The following PARD3B variants were observed in gnomAD, a reference collection of about 807,000 sequenced individuals.
PARD3B encodes par-3 family cell polarity regulator beta, also known as partitioning defective 3 homolog B.
PARD3B carries 103 observed loss-of-function variants against 130.2 expected under a neutral mutation model. That is an observed-to-expected ratio of 0.79 (90% CI 0.67 to 0.93). The LOEUF is 0.93. Ranked by LOEUF, PARD3B falls within the 40% of genes least tolerant of loss-of-function variation. PARD3B has a pLI of 0.00. For missense variants in PARD3B, 1,609 were observed against 1,499.2 expected, an observed-to-expected ratio of 1.07 and a Z score of -1.21; for synonymous variants, 583 against 553.2, an observed-to-expected ratio of 1.05 and a Z score of -0.76.
chr2:204,626,235 A>T (rs2034482531), intron 1 of PARD3B, among the ~76,000 whole-genome samples: 2 of 152,146 alleles, frequency 1.3e-5, no homozygotes, highest in Admixed American at 1.3e-4. Flanking sequence ...AGCCAACACC[A>T]CATTACATGT....
At chr2:205,019,698 C>T (rs1696450180) in intron 3 of PARD3B, among the ~76,000 whole-genome samples, 1 of 152,108 alleles carries the variant, frequency 6.6e-6, no homozygotes, top group African/African-American at 2.4e-5. Context: ...GTGGTATTCA[C>T]TGTAGTTTTG....
At chr2:204,581,035 T>A (rs978344461) in intron 1 of PARD3B, among the ~76,000 whole-genome samples, 9 of 152,224 alleles carry the variant, frequency 5.9e-5, no homozygotes, top group African/African-American at 2.2e-4. Context: ...GATATTATAG[T>A]TATGAATCCC....
At chr2:204,746,556 C>A (rs1313439296) in intron 2 of PARD3B, among the ~76,000 whole-genome samples, 1 of 152,182 alleles carries the variant, frequency 6.6e-6, no homozygotes, top group African/African-American at 2.4e-5. Flanking sequence ...AGAATTGCCA[C>A]ACTGTCTTCC....
rs766700627 is a variant in PARD3B at position 205,187,727 on chromosome 2, G to A, written c.2024+1864G>A. On this transcript the variant is annotated intron_variant, in intron 14 of 22. Coordinates refer to ENST00000406610, the MANE Select transcript of PARD3B (RefSeq NM_001302769.2). The surrounding 1 kb of genome is among the most constrained non-coding windows in gnomAD (Gnocchi z 4.9). ...GAGAAAAAAGTTTATATTGCTCCTC[G>A]CTGCTGTAAATCTTCATTACATGGT... Among the ~76,000 whole-genome samples the A allele has an allele frequency of 1.4e-4, 22 of 152,252 alleles. No individual in the cohort carries two copies. The highest frequency in any genetic ancestry group is 3.4e-3 in the Middle Eastern group (1 of 294).
At position 204,998,312 on chromosome 2, in the gene PARD3B, GTATATATATATATATATATATATATA is replaced by G. The variant is rs771546892; in HGVS notation, c.394+33011_394+33036del. Among the ~76,000 whole-genome samples the G allele has an allele frequency of 1.8e-3, 94 of 52,008 alleles. 4 individuals are homozygous for G. The highest frequency in any genetic ancestry group is 9.3e-3 in the South Asian group (15 of 1,620). The allele number at this position is 52,008 out of a possible 152,430, so 34.1% of individuals were successfully genotyped here. On this transcript the variant is annotated intron_variant, in intron 3 of 22. Transcript: ENST00000406610. ...CTGCACATGTATCCCAGAACTTAAA[GTATATATATATATATATATATATATA>G]TATATATATATATATATATATGTGT...
At chr2:205,555,898 A>G (rs111666739) in intron 22 of PARD3B, among the ~76,000 whole-genome samples, 30 of 152,154 alleles carry the variant, frequency 2.0e-4, no homozygotes, top group African/African-American at 7.2e-4. Flanking sequence ...ACCCTGGTCC[A>G]TGGGTGGGGG....
intron 2 of PARD3B, among the ~76,000 whole-genome samples, chr2:204,724,084 TA>T (rs1396306630): frequency 6.6e-6 from 1 of 152,176 alleles, no homozygotes; most frequent in Non-Finnish European, 1.5e-5. Context: ...AGAAATTCCA[TA>T]TGCACAGCTT....
At chr2:205,423,760 A>G (rs1036117243) in intron 19 of PARD3B, among the ~76,000 whole-genome samples, 1 of 152,228 alleles carries the variant, frequency 6.6e-6, no homozygotes, top group Non-Finnish European at 1.5e-5. Flanking sequence ...CTGCAGCCAT[A>G]AAAAAGAACA....
intron 1 of PARD3B, among the ~76,000 whole-genome samples, chr2:204,582,703 G>C (rs1388310631): frequency 6.6e-6 from 1 of 152,162 alleles, no homozygotes; most frequent in Non-Finnish European, 1.5e-5. Flanking sequence ...GCCTGTAGTT[G>C]GTTAGAAGGG....
intron 16 of PARD3B, among the ~76,000 whole-genome samples, chr2:205,255,668 A>T (rs113369892): frequency 2.0e-5 from 3 of 152,274 alleles, no homozygotes; most frequent in African/African-American, 7.2e-5. Context: ...AACTCAGGCA[A>T]ATGACTTACT....
chr2:204,554,392 C>G (rs35544596), intron 1 of PARD3B, among the ~76,000 whole-genome samples: 1 of 152,064 alleles, frequency 6.6e-6, no homozygotes, highest in African/African-American at 2.4e-5. Context: ...AACTCCAAAT[C>G]AAGTCCTCCT....
intron 3 of PARD3B, among the ~76,000 whole-genome samples, chr2:205,045,786 C>A (rs1698735424): frequency 6.6e-6 from 1 of 151,672 alleles, no homozygotes; most frequent in Non-Finnish European, 1.5e-5. Flanking sequence ...CACACACACA[C>A]ATACATATAT....
intron 15 of PARD3B, among the ~76,000 whole-genome samples, chr2:205,194,978 T>A (rs995180469): frequency 3.3e-5 from 5 of 150,332 alleles, no homozygotes; most frequent in Admixed American, 3.3e-4. Context: ...TTTGTATTTT[T>A]AGTAGAGATG....
At chr2:205,337,529 C>T (rs1220226377) in intron 18 of PARD3B, among the ~76,000 whole-genome samples, 1 of 152,124 alleles carries the variant, frequency 6.6e-6, no homozygotes, top group African/African-American at 2.4e-5. Context: ...AGTTGATCTA[C>T]CCTATGCTCT....
intron 18 of PARD3B, among the ~76,000 whole-genome samples, chr2:205,360,756 T>C (rs983994160): frequency 9.2e-5 from 14 of 152,146 alleles, no homozygotes; most frequent in Admixed American, 3.3e-4. Context: ...TGCTAACTAC[T>C]GCTTAGCAGT....
chr2:205,261,125 T>A (rs939775684), intron 16 of PARD3B, among the ~76,000 whole-genome samples: 1 of 152,164 alleles, frequency 6.6e-6, no homozygotes, highest in Non-Finnish European at 1.5e-5. Context: ...CATTTAAATG[T>A]GCATTTTTAA....
intron 3 of PARD3B, among the ~76,000 whole-genome samples, chr2:205,035,821 C>A (rs12992447): frequency 0.43 from 2,382 of 5,542 alleles, 404 homozygotes; most frequent in Middle Eastern, 0.5. Context: ...ATATATATAT[C>A]TATATATCTA....
At chr2:204,766,965 C>CTTT (rs68009060) in intron 2 of PARD3B, among the ~76,000 whole-genome samples, 10 of 114,482 alleles carry the variant, frequency 8.7e-5, no homozygotes, top group Non-Finnish European at 1.6e-4. Flanking sequence ...TTTTCTTTTT[C>CTTT]TTTTTTTTTT....
intron 2 of PARD3B, among the ~76,000 whole-genome samples, chr2:204,885,674 A>G (rs1426395102): frequency 6.6e-6 from 1 of 152,222 alleles, no homozygotes; most frequent in African/African-American, 2.4e-5. Context: ...AAAAGGACAT[A>G]TAGATTGGAA....
Sources: allele counts gnomAD v4.1 joint callset (sites outside exome capture counted in the v4.1 genomes callset), GRCh38; gene constraint gnomAD v4.1.1; non-coding constraint Gnocchi (gnomAD v3.1); transcripts MANE v1.5; gene names NCBI Gene and HGNC (gene_info 2026-07-23, HGNC 2026-07-21).